Variants in MYO10 observed in about 807,000 individuals in gnomAD.
MYO10 encodes unconventional myosin-X.
In MYO10, 133 loss-of-function variants were observed where a neutral mutation model predicts 257.3. The observed-to-expected ratio is 0.52, with a 90% CI of 0.45 to 0.60. MYO10 has a LOEUF of 0.60. Ranked by LOEUF, MYO10 falls within the 20% of genes least tolerant of loss-of-function variation. MYO10 has a pLI of 0.00. For synonymous variants in MYO10, 1,104 were observed against 1,028.6 expected (o/e 1.07, Z -1.40); for missense variants, 2,399 against 2,635.7 (o/e 0.91, Z 1.97).
At position 16,763,692 on chromosome 5, in the gene MYO10, T is replaced by C. The variant is rs1740787212; in HGVS notation, c.1390A>G (p.Lys464Glu). The C allele has an allele frequency of 6.2e-7, 1 of 1,610,916 alleles. No individual in the cohort carries two copies. The highest frequency in any genetic ancestry group is 8.5e-7 in the Non-Finnish European group (1 of 1,177,420). The change falls in exon 13 of 41, where the codon AAG becomes GAG. Residue 464 changes from lysine (K) to glutamate (E), a missense_variant. By Grantham distance (56) the Lys-to-Glu change is moderately conservative. This residue lies in a region of MYO10 where 337 missense variants were observed against 446.8 expected (regional missense o/e 0.75). Transcript: ENST00000513610. ...ANEKLQEYFN[K>E]HIFSLEQLEY... ...AGTTGTTCTAAAGAAAAAATATGCT[T>C]GTTGAAGTACTCCTGAAGTTTCTCG... is the stretch of plus-strand genomic sequence containing the variant.
At chr5:16,799,572 A>G (rs1316416813) in intron 3 of MYO10, among the ~76,000 whole-genome samples, 5 of 151,772 alleles carry the variant, frequency 3.3e-5, no homozygotes, top group Non-Finnish European at 7.4e-5. Flanking sequence ...GGCTCACTGC[A>G]ACCTTCGCCT....
chr5:16,720,425 ATTTTT>A (rs879278473), intron 19 of MYO10, among the ~76,000 whole-genome samples: 6 of 151,880 alleles, frequency 4.0e-5, no homozygotes, highest in Admixed American at 3.9e-4. Context: ...CCACTATTTT[ATTTTT>A]ATTTTATTTT....
chr5:16,866,806 T>C (rs1433596883), intron 2 of MYO10, among the ~76,000 whole-genome samples: 1 of 152,224 alleles, frequency 6.6e-6, no homozygotes, highest in Non-Finnish European at 1.5e-5. Flanking sequence ...AACCACACTA[T>C]GTTTGCATTA....
intron 33 of MYO10, among the ~76,000 whole-genome samples, chr5:16,678,917 C>T (rs1045392678): frequency 1.3e-5 from 2 of 152,174 alleles, no homozygotes; most frequent in African/African-American, 4.8e-5. Context: ...GTTCTGCACC[C>T]GGGACTGACC....
intron 1 of MYO10, among the ~76,000 whole-genome samples, chr5:16,894,744 G>A (rs1386760659): frequency 1.3e-5 from 2 of 152,158 alleles, no homozygotes; most frequent in African/African-American, 2.4e-5. Flanking sequence ...TTGACACCAG[G>A]AGGACTAATG....
intron 3 of MYO10, among the ~76,000 whole-genome samples, chr5:16,806,882 A>T (rs1011141815): frequency 2.6e-5 from 4 of 152,162 alleles, no homozygotes; most frequent in African/African-American, 9.7e-5. Flanking sequence ...AGTAACAACA[A>T]GGGATCCTCT....
intron 19 of MYO10, among the ~76,000 whole-genome samples, chr5:16,737,591 T>A (rs1739854948): frequency 1.3e-5 from 2 of 152,198 alleles, no homozygotes; most frequent in South Asian, 4.1e-4. Context: ...ATATAACAAG[T>A]TAACTTACAT....
In MYO10 at chr5:16,915,740, A is replaced by C. The variant is rs566165742; in HGVS notation, c.21+20048T>G. ...GTAGGCCAAGGCGGGCGGATCACCT[A>C]AGGTCAGGAGTTCGAGACCAGCCTG... On this transcript the variant is annotated intron_variant, in intron 1 of 40. Transcript: ENST00000513610. Among the ~76,000 whole-genome samples, 3 of 152,270 alleles carry C rather than the reference A, an allele frequency of 2.0e-5. No homozygotes were observed. In the South Asian group the frequency reaches 6.2e-4, roughly 32 times the overall value.
intron 29 of MYO10, among the ~76,000 whole-genome samples, chr5:16,685,234 T>G (rs1561180167): frequency 1.3e-5 from 2 of 152,204 alleles, no homozygotes; most frequent in Non-Finnish European, 2.9e-5. Flanking sequence ...TTGTTTGTTT[T>G]TTTAGGAGAC....
chr5:16,734,517 A>T (rs1467469577), intron 19 of MYO10, among the ~76,000 whole-genome samples: 1 of 152,150 alleles, frequency 6.6e-6, no homozygotes, highest in Non-Finnish European at 1.5e-5. Context: ...AAGACTCCCG[A>T]TGTCAGGCCG....
chr5:16,740,698 G>T (rs1179592698), intron 19 of MYO10, among the ~76,000 whole-genome samples: 2 of 152,102 alleles, frequency 1.3e-5, no homozygotes, highest in Non-Finnish European at 2.9e-5. Flanking sequence ...CTCGCAAGCA[G>T]CAATGCGGTT....
At chr5:16,908,312 G>T (rs572288732) in intron 1 of MYO10, among the ~76,000 whole-genome samples, 1 of 152,168 alleles carries the variant, frequency 6.6e-6, no homozygotes, top group Non-Finnish European at 1.5e-5. Context: ...TGGATCACTT[G>T]AGGTCAGGAG....
At chr5:16,930,235 C>T (rs1018003446) in intron 1 of MYO10, among the ~76,000 whole-genome samples, 4 of 152,072 alleles carry the variant, frequency 2.6e-5, no homozygotes, top group Admixed American at 6.6e-5. Flanking sequence ...CTGTTAGAGA[C>T]GGTTTCAAAA....
chr5:16,869,872 T>TATA (rs1274883956), intron 2 of MYO10, among the ~76,000 whole-genome samples: 17 of 116,076 alleles, frequency 1.5e-4, no homozygotes, highest in African/African-American at 4.4e-4. Context: ...TTCAAAAAAC[T>TATA]ATAATAATAA....
At chr5:16,839,213 T>A (rs371251000) in intron 2 of MYO10, among the ~76,000 whole-genome samples, 3 of 152,154 alleles carry the variant, frequency 2.0e-5, no homozygotes, top group Non-Finnish European at 4.4e-5. Flanking sequence ...TTGAAAACCT[T>A]CTGGAAAGGA....
rs1736089905 is a variant in MYO10, at chr5:16,664,811, G to A, written c.*1881C>T. ...TACCAGTCCCTTCTTTTGCTTTCTT[G>A]AAGTCACACTCAGTGTCTACAAGAG... On this transcript the variant is annotated 3_prime_UTR_variant, in exon 41 of 41. Coordinates refer to ENST00000513610, the MANE Select transcript of MYO10 (RefSeq NM_012334.3). 6.6e-6 allele frequency: 1 copy of A among 152,150 alleles called. No homozygotes were observed. Among genetic ancestry groups the A allele is most frequent in the African/African-American group, 2.4e-5 (1 of 41,426 alleles). 9.4% of individuals were successfully genotyped at this position (152,150 alleles called of 1,614,324 possible).
At chr5:16,871,847 C>T (rs1473115189) in intron 2 of MYO10, among the ~76,000 whole-genome samples, 2 of 152,194 alleles carry the variant, frequency 1.3e-5, no homozygotes, top group African/African-American at 4.8e-5. Flanking sequence ...TCACTTTTCT[C>T]ATAACCCCGC....
intron 2 of MYO10, among the ~76,000 whole-genome samples, chr5:16,855,356 C>A (rs1342168469): frequency 6.6e-6 from 1 of 152,136 alleles, no homozygotes. Flanking sequence ...AGTCTACACT[C>A]GCTGGTGCTA....
intron 19 of MYO10, among the ~76,000 whole-genome samples, chr5:16,745,621 A>G (rs775359108): frequency 6.6e-6 from 1 of 152,106 alleles, no homozygotes; most frequent in Non-Finnish European, 1.5e-5. Context: ...CCAGGAGTTC[A>G]AGGCTTCTGC....
Sources: gnomAD v4.1 joint callset for allele counts (sites outside exome capture counted in the v4.1 genomes callset) on GRCh38, gnomAD v4.1.1 for gene constraint, gnomAD v4.1.1 regional missense constraint, MANE v1.5 for transcripts, NCBI Gene and HGNC (gene_info 2026-07-23, HGNC 2026-07-21) for gene names.